The following DENND4C variants were observed in gnomAD, a reference collection of about 807,000 sequenced individuals.
The protein encoded by DENND4C is DENN domain containing 4C.
Under a neutral mutation model 203.0 loss-of-function variants are expected in DENND4C, and 108 were observed. That is an observed-to-expected ratio of 0.53 (90% CI 0.46 to 0.62). DENND4C has a LOEUF of 0.62. DENND4C is among the 20% of genes least tolerant of loss of function. The pLI is 0.00. For missense variants in DENND4C, 2,481 were observed against 2,301.2 expected (o/e 1.08, Z -1.60); for synonymous variants, 871 against 792.4 (o/e 1.10, Z -1.67).
At chr9:19,250,087 C>T (rs1449794944) in intron 1 of DENND4C, among the ~76,000 whole-genome samples, 1 of 152,074 alleles carries the variant, frequency 6.6e-6, no homozygotes, top group African/African-American at 2.4e-5. Context: ...TGCATGAGGC[C>T]AGGAGTTTGA....
intron 1 of DENND4C, among the ~76,000 whole-genome samples, chr9:19,234,479 C>G (rs1821375146): frequency 6.7e-6 from 1 of 149,952 alleles, no homozygotes; most frequent in Non-Finnish European, 1.5e-5. Context: ...ATCCACCCAC[C>G]TTGGCCTCCC....
At chr9:19,347,142 T>G in intron 23 of DENND4C, 56 bp downstream of exon 23, 3 of 1,466,112 alleles carry the variant, frequency 2.0e-6, no homozygotes, top group Non-Finnish European at 2.8e-6. Flanking sequence ...ATAGTATCTT[T>G]CTAGAAATAT....
chr9:19,315,641 A>G (rs550289917), intron 10 of DENND4C, among the ~76,000 whole-genome samples: 2 of 151,360 alleles, frequency 1.3e-5, no homozygotes, highest in South Asian at 2.1e-4. Flanking sequence ...TTTTCGGAAT[A>G]TAAAATTTTG....
chr9:19,245,703 A>G (rs984967981), intron 1 of DENND4C, among the ~76,000 whole-genome samples: 8 of 152,034 alleles, frequency 5.3e-5, no homozygotes, highest in African/African-American at 1.9e-4. Context: ...AAAAATACAA[A>G]AAACTAGCCA....
chr9:19,320,699 A>G (rs541713635), intron 12 of DENND4C, among the ~76,000 whole-genome samples: 1 of 152,304 alleles, frequency 6.6e-6, no homozygotes, highest in Admixed American at 6.5e-5. Flanking sequence ...CTATTGCATC[A>G]TCTTATGAGG....
intron 12 of DENND4C, among the ~76,000 whole-genome samples, chr9:19,322,546 G>C (rs1470011514): frequency 6.6e-6 from 1 of 151,980 alleles, no homozygotes; most frequent in Non-Finnish European, 1.5e-5. Context: ...CGGATCACGA[G>C]GTCAGGAGAT....
intron 1 of DENND4C, among the ~76,000 whole-genome samples, 162 bp from the exon 2 acceptor site, chr9:19,275,996 A>G (rs1360386477): frequency 6.6e-6 from 1 of 152,228 alleles, no homozygotes; most frequent in African/African-American, 2.4e-5. Context: ...TGCTTTTACC[A>G]ACTGACAAGA....
chr9:19,253,318 TATC>T (rs1162772137), intron 1 of DENND4C, among the ~76,000 whole-genome samples: 1 of 152,228 alleles, frequency 6.6e-6, no homozygotes, highest in Non-Finnish European at 1.5e-5. Context: ...CAACTCTTAA[TATC>T]ATGCCCAACG....
intron 5 of DENND4C, among the ~76,000 whole-genome samples, chr9:19,292,954 C>G (rs1341944249): frequency 6.6e-6 from 1 of 152,182 alleles, no homozygotes; most frequent in Admixed American, 6.6e-5. Flanking sequence ...CCTCATTCTA[C>G]AGGTACAGGC....
At chr9:19,277,644 T>TTGTGTG (rs61179570) in intron 2 of DENND4C, among the ~76,000 whole-genome samples, 299 of 150,020 alleles carry the variant, frequency 2.0e-3, no homozygotes, top group African/African-American at 6.8e-3. Context: ...TTTGGATGCT[T>TTGTGTG]TGTGTGTGTG....
chr9:19,267,874 T>A (rs1222824812), intron 1 of DENND4C, among the ~76,000 whole-genome samples: 1 of 152,082 alleles, frequency 6.6e-6, no homozygotes, highest in Non-Finnish European at 1.5e-5. Context: ...GGACTGTGCT[T>A]GTTTAAATCC....
chr9:19,234,092 A>G lies in DENND4C; in HGVS notation c.-18+3259A>G, dbSNP rs199728730. Among the ~76,000 whole-genome samples, 19 of 152,316 alleles carry G rather than the reference A, an allele frequency of 1.2e-4. 1 individual carries two copies. The East Asian group carries it at 3.7e-3, about 29-fold the overall frequency. ...TAATATAATTGTCTTTTAATTTAAC[A>G]TGCTTTCCCTGTTGCTGTATATTAC... On this transcript the variant is annotated intron_variant, in intron 1 of 32. Coordinates refer to ENST00000434457, the MANE Select transcript of DENND4C (RefSeq NM_001330640.2).
At chr9:19,277,124 A>C (rs535837674) in intron 2 of DENND4C, among the ~76,000 whole-genome samples, 17 of 152,012 alleles carry the variant, frequency 1.1e-4, no homozygotes, top group African/African-American at 3.9e-4. Context: ...TATACATGTG[A>C]TGTATTGGGG....
At chr9:19,294,675 A>G (rs76457836) in intron 5 of DENND4C, among the ~76,000 whole-genome samples, 3,205 of 152,280 alleles carry the variant, frequency 0.021, 122 homozygotes, top group African/African-American at 0.073. Flanking sequence ...AAAATATGGT[A>G]TATATATATG....
intron 4 of DENND4C, among the ~76,000 whole-genome samples, chr9:19,289,980 T>C (rs1011285292): frequency 8.5e-5 from 13 of 152,244 alleles, no homozygotes; most frequent in African/African-American, 3.1e-4. Context: ...TATTCAGTTA[T>C]TTGATATGAG....
At chr9:19,233,561 C>CTTTT (rs11438629) in intron 1 of DENND4C, among the ~76,000 whole-genome samples, 10 of 131,298 alleles carry the variant, frequency 7.6e-5, no homozygotes, top group Non-Finnish European at 9.4e-5. Context: ...TATTTGAAAC[C>CTTTT]TTTTTTTTTT....
At position 19,372,260 on chromosome 9, in the gene DENND4C, G is replaced by C; in HGVS notation, c.*87G>C. On this transcript the variant is annotated 3_prime_UTR_variant, in exon 33 of 33. Transcript: ENST00000434457. ...TCAAGTTTTTTTTTCCAAATCGTAA[G>C]AACTGGTGAATACGGAATTGAAGTA... 2 of 1,487,332 alleles carry C rather than the reference G, an allele frequency of 1.3e-6. No individual in the cohort carries two copies. Among genetic ancestry groups the C allele is most frequent in the South Asian group, 2.6e-5 (2 of 77,098 alleles). 92.1% of individuals were successfully genotyped at this position (1,487,332 alleles called of 1,614,324 possible).
At chr9:19,332,205 T>A (rs371752655) in intron 17 of DENND4C, 21 bp downstream of exon 17, 1 of 1,606,610 alleles carries the variant, frequency 6.2e-7, no homozygotes, top group East Asian at 2.2e-5. Context: ...CAAATTGACA[T>A]TGTTTCTAAG....
chr9:19,260,894 A>G (rs1364139355), intron 1 of DENND4C, among the ~76,000 whole-genome samples: 1 of 152,224 alleles, frequency 6.6e-6, no homozygotes, highest in East Asian at 1.9e-4. Context: ...TCTGGATGAC[A>G]GAGTGAGACC....
Sources: allele counts gnomAD v4.1 joint callset (sites outside exome capture counted in the v4.1 genomes callset), GRCh38; gene constraint gnomAD v4.1.1; transcripts MANE v1.5; gene names NCBI Gene and HGNC (gene_info 2026-07-23, HGNC 2026-07-21).